The following TTC27 variants were observed in gnomAD, a reference collection of about 807,000 sequenced individuals.
The protein encoded by TTC27 is tetratricopeptide repeat domain 27, also known as tetratricopeptide repeat protein 27.
TTC27 carries 79 observed loss-of-function variants against 115.9 expected under a neutral mutation model. The observed-to-expected ratio is 0.68, with a 90% CI of 0.57 to 0.82. The LOEUF (loss-of-function observed/expected upper bound fraction) is 0.82. TTC27 is among the 40% of genes least tolerant of loss of function. The pLI is 0.00. For missense variants in TTC27, 1,054 were observed against 993.1 expected (o/e 1.06, Z -0.82); for synonymous variants, 401 against 356.0 (o/e 1.13, Z -1.42).
intron 16 of TTC27, among the ~76,000 whole-genome samples, chr2:32,790,080 A>G (rs560409369): frequency 6.6e-6 from 1 of 152,062 alleles, no homozygotes; most frequent in Non-Finnish European, 1.5e-5. Context: ...ATGAATTCAG[A>G]TAACGTGATT....
chr2:32,677,506 A>G (rs1164905379), intron 8 of TTC27, among the ~76,000 whole-genome samples: 2 of 151,894 alleles, frequency 1.3e-5, no homozygotes, highest in Non-Finnish European at 2.9e-5. Context: ...CTGGAGTGCA[A>G]TGGCGCAATC....
intron 5 of TTC27, among the ~76,000 whole-genome samples, chr2:32,661,172 C>T (rs899636055): frequency 6.6e-6 from 1 of 152,198 alleles, no homozygotes; most frequent in East Asian, 1.9e-4. Context: ...GTTACTGTAG[C>T]CTTGCAGTAT....
At chr2:32,649,581 G>A (rs1300547030) in intron 4 of TTC27, among the ~76,000 whole-genome samples, 1 of 149,474 alleles carries the variant, frequency 6.7e-6, no homozygotes, top group Non-Finnish European at 1.5e-5. Flanking sequence ...GTCTCGCTGT[G>A]TTGCCCAGGC....
intron 5 of TTC27, among the ~76,000 whole-genome samples, chr2:32,650,815 TACCTAAA>T (rs1274648257): frequency 1.3e-5 from 2 of 152,176 alleles, no homozygotes; most frequent in African/African-American, 4.8e-5. Flanking sequence ...TGCAGAAAAA[TACCTAAA>T]ACCTAAATGA....
At chr2:32,672,230 AT>A in intron 7 of TTC27, 41 bp from the exon 8 acceptor site, 1 of 1,465,142 alleles carries the variant, frequency 6.8e-7, no homozygotes, top group Non-Finnish European at 9.5e-7. Flanking sequence ...AATGAATAAA[AT>A]TTAATTTTTG....
intron 10 of TTC27, among the ~76,000 whole-genome samples, chr2:32,731,809 T>C (rs1326599768): frequency 2.0e-5 from 3 of 152,180 alleles, no homozygotes; most frequent in Admixed American, 6.5e-5. Context: ...ATCCGAGAGT[T>C]GTAAGAGACA....
rs1039721012 is a variant in TTC27 at position 32,749,887 on chromosome 2, A to G, written c.1453-8405A>G. On this transcript the variant is annotated intron_variant, in intron 12 of 19. Coordinates refer to ENST00000317907, the MANE Select transcript of TTC27 (RefSeq NM_017735.5). Reference sequence around the variant, plus strand: ...ATGTTACTACCAAATGGAAGGATACATAAGTTCAAAAGGTAGAAATGGGAA... The same window carrying G: ...ATGTTACTACCAAATGGAAGGATACGTAAGTTCAAAAGGTAGAAATGGGAA... Among the ~76,000 whole-genome samples the G allele has an allele frequency of 3.9e-5, 6 of 152,374 alleles. No individual in the cohort carries two copies. The East Asian group carries it at 1.2e-3, about 29-fold the overall frequency.
chr2:32,746,928 T>C (rs1668852767), intron 12 of TTC27, among the ~76,000 whole-genome samples: 2 of 152,148 alleles, frequency 1.3e-5, no homozygotes, highest in African/African-American at 4.8e-5. Flanking sequence ...AGAAGAGGTA[T>C]AAGATCTCAG....
chr2:32,637,244 T>G (rs1363169474), intron 3 of TTC27, among the ~76,000 whole-genome samples: 1 of 152,222 alleles, frequency 6.6e-6, no homozygotes, highest in East Asian at 1.9e-4. Context: ...TAGGGATTCA[T>G]GTAGAAGATA....
intron 12 of TTC27, among the ~76,000 whole-genome samples, chr2:32,750,460 T>G (rs928318972): frequency 4.6e-5 from 7 of 152,194 alleles, no homozygotes; most frequent in African/African-American, 1.7e-4. Flanking sequence ...TATGATGAAC[T>G]CTAACATGAA....
intron 15 of TTC27, 28 bp from the exon 16 acceptor site, chr2:32,786,956 G>T: frequency 6.3e-7 from 1 of 1,578,528 alleles, no homozygotes; most frequent in Non-Finnish European, 8.6e-7. Flanking sequence ...GTTCATTATT[G>T]CTCTCTTTAA....
At chr2:32,740,389 A>G (rs999220644) in intron 12 of TTC27, among the ~76,000 whole-genome samples, 1 of 150,758 alleles carries the variant, frequency 6.6e-6, no homozygotes, top group Non-Finnish European at 1.5e-5. Flanking sequence ...TTGTAAGTTA[A>G]TGTTGTATTT....
chr2:32,691,508 A>G (rs1666809592), intron 9 of TTC27, among the ~76,000 whole-genome samples: 1 of 152,052 alleles, frequency 6.6e-6, no homozygotes, highest in Non-Finnish European at 1.5e-5. Flanking sequence ...CATGTTGCCC[A>G]GGCTGGTCTT....
chr2:32,786,018 A>G (rs1355499830), intron 15 of TTC27, among the ~76,000 whole-genome samples: 1 of 152,066 alleles, frequency 6.6e-6, no homozygotes, highest in Non-Finnish European at 1.5e-5. Flanking sequence ...AATGTAAATT[A>G]TTTCTTTGTC....
chr2:32,810,112 C>T (rs1191341113), intron 16 of TTC27, among the ~76,000 whole-genome samples: 1 of 68,276 alleles, frequency 1.5e-5, no homozygotes, highest in Non-Finnish European at 2.7e-5. Context: ...AAGACTCTGT[C>T]TCAAAAAAAA....
chr2:32,818,302 A>G (rs1383386930), intron 19 of TTC27, among the ~76,000 whole-genome samples: 1 of 152,224 alleles, frequency 6.6e-6, no homozygotes, highest in Non-Finnish European at 1.5e-5. Flanking sequence ...TAAAGTTGCA[A>G]TGTAATGTTT....
intron 4 of TTC27, among the ~76,000 whole-genome samples, chr2:32,646,435 C>T (rs1005286517): frequency 6.6e-6 from 1 of 151,988 alleles, no homozygotes. Flanking sequence ...TCCCAAAGTG[C>T]TGGGATTAAC....
At chr2:32,748,295 C>T (rs933204983) in intron 12 of TTC27, among the ~76,000 whole-genome samples, 1 of 152,168 alleles carries the variant, frequency 6.6e-6, no homozygotes, top group African/African-American at 2.4e-5. Flanking sequence ...GGTTGGAGAA[C>T]ATACTTTCTA....
intron 10 of TTC27, among the ~76,000 whole-genome samples, chr2:32,733,362 G>C (rs1011180048): frequency 7.2e-5 from 11 of 152,204 alleles, no homozygotes; most frequent in African/African-American, 2.7e-4. Context: ...TGAAGAGTGA[G>C]AGAACTTGCT....
Sources: gnomAD v4.1 joint callset for allele counts (sites outside exome capture counted in the v4.1 genomes callset) on GRCh38, gnomAD v4.1.1 for gene constraint, MANE v1.5 for transcripts, NCBI Gene and HGNC (gene_info 2026-07-23, HGNC 2026-07-21) for gene names.